The following SERAC1 variants were observed in gnomAD, a reference collection of about 807,000 sequenced individuals.
The protein encoded by SERAC1 is protein SERAC1.
SERAC1 carries 36 observed loss-of-function variants against 85.7 expected under a neutral mutation model. The observed-to-expected ratio is 0.42, with a 90% CI of 0.32 to 0.55. The LOEUF (loss-of-function observed/expected upper bound fraction) is 0.55, where lower values mean the gene tolerates loss of function less well. SERAC1 is among the 20% of genes least tolerant of loss of function. SERAC1 has a pLI of 0.11. For missense variants in SERAC1, 629 were observed against 796.2 expected (o/e 0.79, Z 2.53); for synonymous variants, 242 against 265.3 (o/e 0.91, Z 0.85).
chr6:158,116,403 AAG>A, intron 13 of SERAC1, 121 bp from the exon 14 acceptor site: 1 of 698,010 alleles, frequency 1.4e-6, no homozygotes, highest in East Asian at 2.7e-5. Flanking sequence ...CATTTAGAGT[AAG>A]AAATACCCCC....
chr6:158,149,776 C>CCTCT (rs1785161094), intron 4 of SERAC1, among the ~76,000 whole-genome samples: 1 of 152,204 alleles, frequency 6.6e-6, no homozygotes, highest in Non-Finnish European at 1.5e-5. Flanking sequence ...AGGCGAGCAG[C>CCTCT]AGAGCCTGCC....
chr6:158,163,771 C>T (rs773168243), intron 1 of SERAC1, among the ~76,000 whole-genome samples: 25 of 152,012 alleles, frequency 1.6e-4, no homozygotes, highest in Admixed American at 3.9e-4. Context: ...CTCACTCTGT[C>T]GCCCAGGCAG....
chr6:158,162,459 T>C (rs975330230), intron 1 of SERAC1, among the ~76,000 whole-genome samples: 42 of 152,352 alleles, frequency 2.8e-4, no homozygotes, highest in African/African-American at 9.1e-4. Context: ...TTTGTTTTTA[T>C]ATACCCCACT....
At chr6:158,126,459 T>A (rs182271176) in intron 10 of SERAC1, among the ~76,000 whole-genome samples, 20 of 152,144 alleles carry the variant, frequency 1.3e-4, no homozygotes, top group Admixed American at 1.2e-3. Flanking sequence ...TAGGAATTCA[T>A]GTACCTGTCC....
chr6:158,141,459 A>T (rs1784913042), intron 8 of SERAC1, among the ~76,000 whole-genome samples: 1 of 152,248 alleles, frequency 6.6e-6, no homozygotes, highest in African/African-American at 2.4e-5. Context: ...AACTAGTTGA[A>T]TTGGAAATAT....
rs1376764852 is a variant in SERAC1 at position 158,111,488 on chromosome 6, C to T, written c.1843G>A (p.Asp615Asn). The T allele has an allele frequency of 6.3e-7, 1 of 1,593,294 alleles. No individual in the cohort carries two copies. The highest frequency in any genetic ancestry group is 1.1e-5 in the South Asian group (1 of 86,992). The change falls in exon 17 of 17, where the codon GAT becomes AAT. Residue 615 changes from aspartate to asparagine, a missense_variant. By Grantham distance (23) the Asp-to-Asn change is conservative. Transcript: ENST00000647468. ...TGGTTAACATCCACAGGAATTAGAT[C>T]TCCAATGCCTAAATCTGAAGAAAAT... is the stretch of plus-strand genomic sequence containing the variant. ...PVESADLGIG[D>N]LIPVDVNHLN...
At chr6:158,123,454 T>C (rs779131896) in intron 10 of SERAC1, among the ~76,000 whole-genome samples, 18 of 152,210 alleles carry the variant, frequency 1.2e-4, no homozygotes, top group Non-Finnish European at 2.4e-4. Flanking sequence ...GGGCTTCAAT[T>C]GTCTCAGTAA....
intron 9 of SERAC1, among the ~76,000 whole-genome samples, chr6:158,130,159 T>A (rs1181847976): frequency 2.0e-5 from 3 of 152,242 alleles, no homozygotes; most frequent in Non-Finnish European, 4.4e-5. Flanking sequence ...ATTAAATAAA[T>A]TTTTAGAAAT....
Position 158,165,766 on chromosome 6 carries a change from G to A in SERAC1, c.-2+2374C>T, listed in dbSNP as rs191893632. On this transcript the variant is annotated intron_variant, in intron 1 of 16. Transcript: ENST00000647468. ...TCCCCTTACTCTACATCTAAACCAC[G>A]CAGAGTTGCTCTTCTCTACCATCAA... Among the ~76,000 whole-genome samples the A allele has an allele frequency of 1.1e-4, 16 of 152,142 alleles. No homozygotes were observed. The East Asian group carries it at 2.5e-3, about 24-fold the overall frequency.
chr6:158,139,959 G>A (rs928300154), intron 8 of SERAC1, among the ~76,000 whole-genome samples: 1 of 152,178 alleles, frequency 6.6e-6, no homozygotes. Flanking sequence ...TGGTGGGAAT[G>A]TAAAATGGTA....
chr6:158,159,762 C>CTACA (rs960652898), intron 1 of SERAC1, among the ~76,000 whole-genome samples: 2 of 151,898 alleles, frequency 1.3e-5, no homozygotes, highest in African/African-American at 2.4e-5. Flanking sequence ...GCAGCTGGGA[C>CTACA]TACAGGTGCC....
At chr6:158,165,321 A>AT (rs1446889695) in intron 1 of SERAC1, among the ~76,000 whole-genome samples, 2 of 151,990 alleles carry the variant, frequency 1.3e-5, no homozygotes, top group African/African-American at 4.8e-5. Context: ...ACGCCCAGCT[A>AT]TTTTTTTGTA....
chr6:158,148,791 A>G, intron 5 of SERAC1, 74 bp downstream of exon 5: 3 of 1,079,348 alleles, frequency 2.8e-6, no homozygotes, highest in Non-Finnish European at 2.7e-6. Flanking sequence ...GAAATGAAAA[A>G]AAGTATCAGG....
intron 9 of SERAC1, among the ~76,000 whole-genome samples, chr6:158,129,986 G>A (rs1338495191): frequency 3.3e-5 from 5 of 152,176 alleles, no homozygotes; most frequent in African/African-American, 9.6e-5. Flanking sequence ...GTGAGCCACC[G>A]CGCCCAGCCT....
At chr6:158,114,121 G>T (rs1784216188) in intron 15 of SERAC1, among the ~76,000 whole-genome samples, 1 of 152,096 alleles carries the variant, frequency 6.6e-6, no homozygotes. Context: ...TTCTACTTAG[G>T]ATCTTTAGAA....
intron 13 of SERAC1, chr6:158,116,675 T>C (rs542070409): frequency 1.2e-5 from 2 of 167,804 alleles, no homozygotes; most frequent in South Asian, 3.1e-4. Context: ...TCAGGCAATT[T>C]TTTCGGGTCA....
intron 1 of SERAC1, chr6:158,158,614 C>T (rs1044856563): frequency 9.4e-6 from 3 of 318,714 alleles, no homozygotes; most frequent in Non-Finnish European, 1.7e-5. Flanking sequence ...ATAGTTTTCA[C>T]AATTGGAAAG....
chr6:158,131,645 G>A (rs1023933732), intron 8 of SERAC1, among the ~76,000 whole-genome samples: 4 of 151,966 alleles, frequency 2.6e-5, no homozygotes, highest in Non-Finnish European at 5.9e-5. Flanking sequence ...ACCCTGCTGC[G>A]AGTGGTATCA....
chr6:158,140,420 C>G (rs1784889497), intron 8 of SERAC1, among the ~76,000 whole-genome samples: 2 of 152,178 alleles, frequency 1.3e-5, no homozygotes, highest in Admixed American at 1.3e-4. Context: ...GATACCGGAA[C>G]CCGTGGAGAT....
Sources: allele counts gnomAD v4.1 joint callset (sites outside exome capture counted in the v4.1 genomes callset), GRCh38; gene constraint gnomAD v4.1.1; transcripts MANE v1.5; gene names NCBI Gene and HGNC (gene_info 2026-07-23, HGNC 2026-07-21).